Variants in TCF4 observed in about 807,000 individuals in gnomAD.
TCF4 encodes the protein transcription factor 4.
Under a neutral mutation model 82.1 loss-of-function variants are expected in TCF4, and 3 were observed. The ratio of observed to expected loss-of-function variants is 0.04; its 90% CI spans 0.02 to 0.09. The LOEUF is 0.09. Ranked by LOEUF, TCF4 falls within the 10% of genes least tolerant of loss-of-function variation. The probability of loss-of-function intolerance (pLI) is 1.00; values close to 1 mark genes in which losing one functional copy is unlikely to be tolerated. For synonymous variants in TCF4, 276 were observed against 309.6 expected (o/e 0.89, Z 1.14); for missense variants, 518 against 852.7 (o/e 0.61, Z 4.89).
chr18:55,495,598 A>G (rs1048895903), intron 3 of TCF4: 1 of 152,146 alleles, frequency 6.6e-6, no homozygotes, highest in Non-Finnish European at 1.5e-5. Context: ...ATATACTTTT[A>G]AGGACCAATG....
At chr18:55,563,437 T>C (rs2097373013) in intron 3 of TCF4, among the ~76,000 whole-genome samples, 1 of 152,164 alleles carries the variant, frequency 6.6e-6, no homozygotes, top group Non-Finnish European at 1.5e-5. Context: ...GAAAGCTTGA[T>C]CCAAAATAAA....
At chr18:55,261,333 T>C (rs2058046617) in intron 12 of TCF4, 133 bp downstream of exon 12, 7 of 1,087,636 alleles carry the variant, frequency 6.4e-6, no homozygotes, top group South Asian at 3.8e-5. Context: ...GTGACTGTTA[T>C]GCAAGAAAGC....
At chr18:55,573,413 A>G (rs1045226648) in intron 3 of TCF4, among the ~76,000 whole-genome samples, 1 of 152,206 alleles carries the variant, frequency 6.6e-6, no homozygotes, top group Non-Finnish European at 1.5e-5. Context: ...CACACTGTAG[A>G]ACCAGCAACC....
At chr18:55,582,648 T>A (rs914247448) in intron 3 of TCF4, among the ~76,000 whole-genome samples, 2 of 152,162 alleles carry the variant, frequency 1.3e-5, no homozygotes, top group Admixed American at 1.3e-4. Context: ...TTTATTTTTA[T>A]TCTCACATTG....
At chr18:55,422,050 T>C (rs1323641956) in intron 5 of TCF4, 1 of 396,148 alleles carries the variant, frequency 2.5e-6, no homozygotes, top group Non-Finnish European at 3.2e-6. Context: ...GGGCACATTC[T>C]CAAACTCTTA....
At chr18:55,435,448 T>C (rs1477480917) in intron 5 of TCF4, among the ~76,000 whole-genome samples, 1 of 152,226 alleles carries the variant, frequency 6.6e-6, no homozygotes, top group East Asian at 1.9e-4. Context: ...GTTTGTCTCT[T>C]CCCCATTTGA....
intron 5 of TCF4, among the ~76,000 whole-genome samples, chr18:55,449,201 G>A (rs1568063080): frequency 6.6e-6 from 1 of 151,742 alleles, no homozygotes; most frequent in Non-Finnish European, 1.5e-5. Flanking sequence ...TGTGTACCAG[G>A]TTGGGTTTTT....
chr18:55,261,664 A>G (rs2058106334), intron 11 of TCF4, 131 bp from the exon 12 acceptor site: 2 of 1,040,536 alleles, frequency 1.9e-6, no homozygotes, highest in Non-Finnish European at 1.5e-6. Context: ...TTTAATTAGC[A>G]TTAATTTGTT....
At chr18:55,409,106 ACAC>A (rs2094227367) in intron 5 of TCF4, among the ~76,000 whole-genome samples, 2 of 152,326 alleles carry the variant, frequency 1.3e-5, no homozygotes, top group Admixed American at 1.3e-4. Context: ...CTGCATTTCT[ACAC>A]CTCTATGTGA....
chr18:55,632,152 C>A (rs1361541713), intron 1 of TCF4, among the ~76,000 whole-genome samples: 1 of 152,180 alleles, frequency 6.6e-6, no homozygotes, highest in Non-Finnish European at 1.5e-5. Flanking sequence ...CATTCTCCTG[C>A]CTCAGCCTCC....
chr18:55,505,090 A>T (rs1196532920), intron 3 of TCF4, among the ~76,000 whole-genome samples: 1 of 152,168 alleles, frequency 6.6e-6, no homozygotes, highest in Non-Finnish European at 1.5e-5. Flanking sequence ...ATTTTTTTCC[A>T]CCTCACCATT....
At chr18:55,376,916 G>A (rs1207449672) in intron 6 of TCF4, among the ~76,000 whole-genome samples, 1 of 152,166 alleles carries the variant, frequency 6.6e-6, no homozygotes, top group East Asian at 1.9e-4. Context: ...TAGCTTTCCT[G>A]TGAAAATTTC....
intron 3 of TCF4, among the ~76,000 whole-genome samples, chr18:55,516,110 A>T (rs1603618341): frequency 6.6e-6 from 1 of 152,280 alleles, no homozygotes; most frequent in East Asian, 1.9e-4. Context: ...TGTAACAGCG[A>T]TCATTCAGTG....
chr18:55,381,386 T>C (rs2091875403), intron 6 of TCF4, among the ~76,000 whole-genome samples: 2 of 152,246 alleles, frequency 1.3e-5, no homozygotes, highest in African/African-American at 2.4e-5. Context: ...CACTGTAACA[T>C]TAGCTGCACT....
chr18:55,525,944 T>C (rs2096978967), intron 3 of TCF4, among the ~76,000 whole-genome samples: 1 of 152,230 alleles, frequency 6.6e-6, no homozygotes, highest in African/African-American at 2.4e-5. Flanking sequence ...ACACACTTTC[T>C]TGAAGATACA....
chr18:55,371,261 G>A (rs1436889068), intron 6 of TCF4, among the ~76,000 whole-genome samples: 3 of 152,194 alleles, frequency 2.0e-5, no homozygotes, highest in Admixed American at 6.5e-5. Context: ...TGATCAGAGG[G>A]CAGGAAAGAG....
At chr18:55,479,311 T>C (rs1194171907) in intron 3 of TCF4, 1 of 154,256 alleles carries the variant, frequency 6.5e-6, no homozygotes, top group Non-Finnish European at 1.5e-5. Flanking sequence ...GTTATTTATA[T>C]GTGGCTCATG....
chr18:55,574,097 C>T (rs907314515), intron 3 of TCF4, among the ~76,000 whole-genome samples: 10 of 152,056 alleles, frequency 6.6e-5, no homozygotes, highest in Admixed American at 5.9e-4. Context: ...TCATTGCCTC[C>T]CAGACAACCT....
chr18:55,226,122 A>AAAT lies in TCF4; in HGVS notation c.*1912_*1913insATT, dbSNP rs1398214960. ...TTACATACACAATTTCAAAATAATG[A>AAAT]TACGTTTGCCATTTGTTGCATAAAA... is the stretch of plus-strand genomic sequence containing the variant. On this transcript the variant is annotated 3_prime_UTR_variant, in exon 20 of 20. Transcript: ENST00000354452. 9.2e-5 allele frequency: 14 copies of AAAT among 152,612 alleles called. No individual in the cohort carries two copies. Among genetic ancestry groups the AAAT allele is most frequent in the Non-Finnish European group, 1.6e-4 (11 of 68,006 alleles). 9.5% of individuals were successfully genotyped at this position (152,612 alleles called of 1,614,324 possible).
Sources: allele counts gnomAD v4.1 joint callset (sites outside exome capture counted in the v4.1 genomes callset), GRCh38; gene constraint gnomAD v4.1.1; transcripts MANE v1.5; gene names NCBI Gene and HGNC (gene_info 2026-07-23, HGNC 2026-07-21).